USP6NL: variants seen among roughly 807,000 people sequenced by gnomAD.
USP6NL encodes the protein USP6 N-terminal like.
In USP6NL, 26 loss-of-function variants were observed where a neutral mutation model predicts 61.9. That is an observed-to-expected ratio of 0.42 (90% CI 0.31 to 0.58). The LOEUF is 0.58. Ranked by LOEUF, USP6NL falls within the 20% of genes least tolerant of loss-of-function variation. The pLI is 0.16. For synonymous variants in USP6NL, 432 were observed against 390.1 expected (o/e 1.11, Z -1.27); for missense variants, 1,114 against 1,034.3 (o/e 1.08, Z -1.06).
chr10:11,473,361 A>G (rs1832835346), intron 14 of USP6NL, among the ~76,000 whole-genome samples: 1 of 152,220 alleles, frequency 6.6e-6, no homozygotes, highest in Admixed American at 6.5e-5. Context: ...TGGAAGTGTG[A>G]GGACAAAAGC....
chr10:11,530,713 T>A (rs1336672989), intron 2 of USP6NL, among the ~76,000 whole-genome samples: 1 of 152,222 alleles, frequency 6.6e-6, no homozygotes, highest in East Asian at 1.9e-4. Context: ...TCTGTTTCTC[T>A]GAGGAAACTA....
chr10:11,572,697 T>C (rs1837407084), intron 2 of USP6NL, among the ~76,000 whole-genome samples: 1 of 152,202 alleles, frequency 6.6e-6, no homozygotes, highest in African/African-American at 2.4e-5. Flanking sequence ...CTGAGTTATA[T>C]GTACACTTTT....
At chr10:11,579,559 T>G (rs1242664697) in intron 2 of USP6NL, among the ~76,000 whole-genome samples, 1 of 152,170 alleles carries the variant, frequency 6.6e-6, no homozygotes, top group Non-Finnish European at 1.5e-5. Context: ...CTTCCCCATT[T>G]TCTCTACTCA....
chr10:11,543,572 A>G (rs117177482), intron 2 of USP6NL, among the ~76,000 whole-genome samples: 4,758 of 152,122 alleles, frequency 0.031, 109 homozygotes, highest in Non-Finnish European at 0.044. Context: ...AGAAAAAAAA[A>G]GAAACATCTA....
chr10:11,568,439 C>T (rs975823275), intron 2 of USP6NL, among the ~76,000 whole-genome samples: 1 of 152,178 alleles, frequency 6.6e-6, no homozygotes, highest in East Asian at 1.9e-4. Flanking sequence ...ATCAATATCC[C>T]TCTCACCACA....
At chr10:11,564,284 A>G (rs1297285038) in intron 2 of USP6NL, 3 of 152,348 alleles carry the variant, frequency 2.0e-5, no homozygotes, top group East Asian at 3.9e-4. Context: ...ATAGTGCTAT[A>G]AACATTTAAT....
At position 11,474,097 on chromosome 10, in the gene USP6NL, G is replaced by GA. The variant is rs1427182635; in HGVS notation, c.1078+7672dup. 1.3e-5 allele frequency among the ~76,000 whole-genome samples: 2 copies of GA among 152,082 alleles called. No individual in the cohort carries two copies. Among genetic ancestry groups the GA allele is most frequent in the East Asian group, 1.9e-4 (1 of 5,194 alleles). ...GAAAGTACACCCCAAGTTTACCTGG[G>GA]AAAAAAGTCTTAATTCCTGAAGATC... On this transcript the variant is annotated intron_variant, in intron 14 of 14. Transcript: ENST00000609104. The surrounding 1 kb of genome is among the most constrained non-coding windows in gnomAD (Gnocchi z 4.9).
At chr10:11,577,725 T>A (rs1220931619) in intron 2 of USP6NL, among the ~76,000 whole-genome samples, 2 of 151,920 alleles carry the variant, frequency 1.3e-5, no homozygotes, top group Non-Finnish European at 2.9e-5. Flanking sequence ...GGTCTCGAAC[T>A]CCTGACCTCA....
chr10:11,528,400 T>C lies in USP6NL; in HGVS notation c.5-833A>G, dbSNP rs1423616354. On this transcript the variant is annotated intron_variant, in intron 2 of 14. Coordinates refer to ENST00000609104, the MANE Select transcript of USP6NL (RefSeq NM_014688.5). The surrounding 1 kb of genome is among the most constrained non-coding windows in gnomAD (Gnocchi z 4.6). ...GCAGTAACAACTGTAACAACTATAC[T>C]GCATTCTTATTAAGTGCCTGGCAGA... Among the ~76,000 whole-genome samples the C allele has an allele frequency of 6.6e-6, 1 of 151,926 alleles. No homozygotes were observed. The highest frequency in any genetic ancestry group is 1.5e-5 in the Non-Finnish European group (1 of 68,002).
intron 5 of USP6NL, among the ~76,000 whole-genome samples, chr10:11,515,332 A>C (rs550623347): frequency 6.6e-6 from 1 of 152,358 alleles, no homozygotes; most frequent in African/African-American, 2.4e-5. Flanking sequence ...TTGTAGAATA[A>C]GAAATCTTGG....
chr10:11,560,139 T>TAAAAA (rs1836869699), intron 2 of USP6NL, among the ~76,000 whole-genome samples: 1 of 152,188 alleles, frequency 6.6e-6, no homozygotes, highest in Non-Finnish European at 1.5e-5. Flanking sequence ...CACGATACAT[T>TAAAAA]GCAAATTCCT....
chr10:11,583,103 T>C (rs1002211114), intron 2 of USP6NL, among the ~76,000 whole-genome samples: 2 of 151,556 alleles, frequency 1.3e-5, no homozygotes, highest in Admixed American at 6.6e-5. Flanking sequence ...TGTCCTTACA[T>C]GGAAAAAGAG....
intron 2 of USP6NL, among the ~76,000 whole-genome samples, chr10:11,530,368 G>A (rs747061671): frequency 2.6e-5 from 4 of 152,260 alleles, no homozygotes; most frequent in East Asian, 1.9e-4. Context: ...AGGTGAAGAC[G>A]CAACATATCC....
rs770086075 is a variant in USP6NL, at chr10:11,497,354, T to TGA, written c.384+3745_384+3746dup. Among the ~76,000 whole-genome samples, 12 of 143,916 alleles carry TGA rather than the reference T, an allele frequency of 8.3e-5. No homozygotes were observed. In the East Asian group the frequency reaches 1.4e-3, roughly 17 times the overall value. The allele number at this position is 143,916 out of a possible 152,430, so 94.4% of individuals were successfully genotyped here. A position where few individuals can be genotyped will look rare whatever the true frequency, so the allele number is the denominator to read the frequency against. On this transcript the variant is annotated intron_variant, in intron 7 of 14. Coordinates refer to ENST00000609104, the MANE Select transcript of USP6NL (RefSeq NM_014688.5). ...TGAACCCGGGAGGCGGAGCTTGCAG[T>TGA]GAGCCAAGATCGCGCCACTGCACTC...
In USP6NL at chr10:11,562,919, C is replaced by T. The variant is rs574888835; in HGVS notation, c.4+34712G>A. 1 of 327,686 alleles carries T rather than the reference C, an allele frequency of 3.1e-6. No homozygotes were observed. Among genetic ancestry groups the T allele is most frequent in the South Asian group, 1.2e-4 (1 of 8,228 alleles). The allele number at this position is 327,686 out of a possible 1,614,324, so 20.3% of individuals were successfully genotyped here. A position where few individuals can be genotyped will look rare whatever the true frequency, so the allele number is the denominator to read the frequency against. On this transcript the variant is annotated intron_variant, in intron 2 of 14. Coordinates refer to ENST00000609104, the MANE Select transcript of USP6NL (RefSeq NM_014688.5). This position sits in a 1 kb window ranked among gnomAD's most constrained non-coding sequence, Gnocchi z 4.8. Reference sequence around the variant, plus strand: ...TGAATCACATTCCTGGGTATCTATCCCACAGAAATAAAAATTTATATTTAT... The same window carrying T: ...TGAATCACATTCCTGGGTATCTATCTCACAGAAATAAAAATTTATATTTAT...
In USP6NL at chr10:11,532,100, C is replaced by A. The variant is rs527270814; in HGVS notation, c.5-4533G>T. ...ATTTCCAATAAAATAAAATTTACAG[C>A]AGACCATTTTTCCTAGAGTACATTT... On this transcript the variant is annotated intron_variant, in intron 2 of 14. Coordinates refer to ENST00000609104, the MANE Select transcript of USP6NL (RefSeq NM_014688.5). This position sits in a 1 kb window ranked among gnomAD's most constrained non-coding sequence, Gnocchi z 4.1. The A allele has an allele frequency of 2.9e-6, 3 of 1,049,566 alleles. No individual in the cohort carries two copies. Among genetic ancestry groups the A allele is most frequent in the African/African-American group, 3.2e-5 (2 of 61,730 alleles). 65.0% of individuals were successfully genotyped at this position (1,049,566 alleles called of 1,614,324 possible). A position where few individuals can be genotyped will look rare whatever the true frequency, so the allele number is the denominator to read the frequency against.
intron 2 of USP6NL, among the ~76,000 whole-genome samples, chr10:11,566,783 C>A (rs758627307): frequency 2.0e-5 from 3 of 152,164 alleles, no homozygotes; most frequent in Non-Finnish European, 4.4e-5. Context: ...AATTAATATA[C>A]GGACCTGCTT....
At position 11,548,190 on chromosome 10, in the gene USP6NL, A is replaced by C. The variant is rs1212621098; in HGVS notation, c.5-20623T>G. On this transcript the variant is annotated intron_variant, in intron 2 of 14. Transcript: ENST00000609104. This position sits in a 1 kb window ranked among gnomAD's most constrained non-coding sequence, Gnocchi z 4.3. ...TTCCACATGAGAGGCCTGTAAATAC[A>C]AAACTCTGACATATTCACACTGTCT... Among the ~76,000 whole-genome samples, 1 of 152,210 alleles carries C rather than the reference A, an allele frequency of 6.6e-6. No homozygotes were observed. Among genetic ancestry groups the C allele is most frequent in the African/African-American group, 2.4e-5 (1 of 41,458 alleles).
chr10:11,493,167 T>A lies in USP6NL; in HGVS notation c.446A>T (p.Asn149Ile). Residue 149 changes from asparagine to isoleucine, a missense_variant, in exon 8 of 15, where the codon AAC becomes ATC. Coordinates refer to ENST00000609104, the MANE Select transcript of USP6NL (RefSeq NM_014688.5). ...PDIRQIDLDV[N>I]RTFRDHIMFR... ...CATAATGTGGTCCCGAAATGTGCGG[T>A]TGACATCCAGGTCTATTTGTCTGAT... is the stretch of plus-strand genomic sequence containing the variant. 1 of 1,612,696 alleles carries A rather than the reference T, an allele frequency of 6.2e-7. No homozygotes were observed. Among genetic ancestry groups the A allele is most frequent in the Non-Finnish European group, 8.5e-7 (1 of 1,179,338 alleles).
Sources: gnomAD v4.1 joint callset for allele counts (sites outside exome capture counted in the v4.1 genomes callset) on GRCh38, gnomAD v4.1.1 for gene constraint, Gnocchi (gnomAD v3.1) non-coding constraint, MANE v1.5 for transcripts, NCBI Gene and HGNC (gene_info 2026-07-23, HGNC 2026-07-21) for gene names.